The following AP3B1 variants were observed in gnomAD, a reference collection of about 807,000 sequenced individuals.
The protein encoded by AP3B1 is AP-3 complex subunit beta-1.
In AP3B1, 61 loss-of-function variants were observed where a neutral mutation model predicts 132.5. The observed-to-expected ratio is 0.46, with a 90% CI of 0.37 to 0.57. The LOEUF (loss-of-function observed/expected upper bound fraction) is 0.57. AP3B1 is among the 20% of genes least tolerant of loss of function. The pLI is 0.00. For missense variants in AP3B1, 1,120 were observed against 1,289.4 expected (o/e 0.87, Z 2.01); for synonymous variants, 388 against 438.3 (o/e 0.89, Z 1.43).
intron 7 of AP3B1, among the ~76,000 whole-genome samples, chr5:78,199,697 C>T (rs1315216827): frequency 1.3e-5 from 2 of 151,988 alleles, no homozygotes; most frequent in African/African-American, 4.8e-5. Context: ...TGTGGACAAC[C>T]TAAGAAGGAG....
chr5:78,170,123 A>G (rs1164464703), intron 11 of AP3B1, among the ~76,000 whole-genome samples: 12 of 152,296 alleles, frequency 7.9e-5, no homozygotes, highest in African/African-American at 2.9e-4. Flanking sequence ...TCCATGGTGT[A>G]TATGTGCCAC....
chr5:78,229,734 T>C lies in AP3B1; in HGVS notation c.280-1495A>G, dbSNP rs536491781. On this transcript the variant is annotated intron_variant, in intron 3 of 26. Transcript: ENST00000255194. ...AGCCTGGGCAACTGGAAAGAGACTC[T>C]GTCTCAAAAATTTAAAAAATTTAAA... Among the ~76,000 whole-genome samples the C allele has an allele frequency of 4.5e-4, 68 of 152,096 alleles. No individual in the cohort carries two copies. The East Asian group carries it at 0.013, about 28-fold the overall frequency.
At chr5:78,272,787 G>A (rs1263752843) in intron 1 of AP3B1, among the ~76,000 whole-genome samples, 1 of 152,138 alleles carries the variant, frequency 6.6e-6, no homozygotes. Flanking sequence ...AGCAAAGGGG[G>A]ACAGGGAGGA....
At chr5:78,069,916 G>C (rs1749463286) in intron 22 of AP3B1, among the ~76,000 whole-genome samples, 1 of 152,040 alleles carries the variant, frequency 6.6e-6, no homozygotes, top group African/African-American at 2.4e-5. Flanking sequence ...TAGACCAATG[G>C]AACAAAATGG....
chr5:78,264,784 A>G (rs573059737), intron 2 of AP3B1, among the ~76,000 whole-genome samples: 17 of 152,360 alleles, frequency 1.1e-4, no homozygotes, highest in African/African-American at 3.8e-4. Context: ...TTAACTCAAA[A>G]CAGTATACCA....
At chr5:78,044,906 A>AC (rs965987636) in intron 22 of AP3B1, among the ~76,000 whole-genome samples, 1 of 152,220 alleles carries the variant, frequency 6.6e-6, no homozygotes, top group Non-Finnish European at 1.5e-5. Flanking sequence ...TCCACATTCA[A>AC]CCAAGTTCAA....
chr5:78,086,543 G>C (rs1292366347), intron 22 of AP3B1, among the ~76,000 whole-genome samples: 1 of 152,176 alleles, frequency 6.6e-6, no homozygotes, highest in Non-Finnish European at 1.5e-5. Flanking sequence ...TGAATCAAGA[G>C]CCTGTGGTTT....
intron 7 of AP3B1, among the ~76,000 whole-genome samples, chr5:78,191,223 A>T (rs1399630059): frequency 6.6e-6 from 1 of 152,074 alleles, no homozygotes; most frequent in Non-Finnish European, 1.5e-5. Context: ...AAAGCTGGGG[A>T]AAAGTTAAGA....
At chr5:78,223,273 T>G (rs1291717497) in intron 6 of AP3B1, among the ~76,000 whole-genome samples, 1 of 152,024 alleles carries the variant, frequency 6.6e-6, no homozygotes, top group Non-Finnish European at 1.5e-5. Context: ...AACTTTGTTT[T>G]TTACTATAGA....
chr5:78,284,017 A>G (rs1303914554), intron 1 of AP3B1, among the ~76,000 whole-genome samples: 1 of 152,128 alleles, frequency 6.6e-6, no homozygotes, highest in Non-Finnish European at 1.5e-5. Context: ...CGCCACACTG[A>G]ATTGTTTCCT....
intron 24 of AP3B1, among the ~76,000 whole-genome samples, chr5:78,021,008 C>A (rs1747072279): frequency 6.6e-6 from 1 of 151,554 alleles, no homozygotes; most frequent in South Asian, 2.1e-4. Flanking sequence ...TTTTAAAAAA[C>A]AAAACTACAC....
At chr5:78,059,813 G>A (rs1288040956) in intron 22 of AP3B1, among the ~76,000 whole-genome samples, 1 of 152,064 alleles carries the variant, frequency 6.6e-6, no homozygotes, top group Non-Finnish European at 1.5e-5. Flanking sequence ...TTAATGCACT[G>A]CTTATTATCT....
At chr5:78,055,301 GAAGT>G (rs1470207517) in intron 22 of AP3B1, among the ~76,000 whole-genome samples, 1 of 152,162 alleles carries the variant, frequency 6.6e-6, no homozygotes, top group Non-Finnish European at 1.5e-5. Flanking sequence ...TTTTTCCTCA[GAAGT>G]AAGAATGGTT....
At chr5:78,226,319 T>A (rs1003289225) in intron 5 of AP3B1, among the ~76,000 whole-genome samples, 2 of 152,220 alleles carry the variant, frequency 1.3e-5, no homozygotes, top group East Asian at 3.9e-4. Flanking sequence ...ATATGAGGTT[T>A]CACTTTCTAC....
Position 78,289,080 on chromosome 5 carries a change from C to T in AP3B1, c.128+5372G>A, listed in dbSNP as rs142727079. Among the ~76,000 whole-genome samples, 116 of 152,054 alleles carry T rather than the reference C, an allele frequency of 7.6e-4. 2 individuals carry two copies. In the East Asian group the frequency reaches 0.019, roughly 26 times the overall value. On this transcript the variant is annotated intron_variant, in intron 1 of 26. Coordinates refer to ENST00000255194, the MANE Select transcript of AP3B1 (RefSeq NM_003664.5). Reference sequence around the variant, plus strand: ...TCTTTGAGGTAGGTCAAATATAATGCGTTACTATTAATAAAATTGTATTTT... The same window carrying T: ...TCTTTGAGGTAGGTCAAATATAATGTGTTACTATTAATAAAATTGTATTTT...
chr5:78,258,403 A>G (rs1372738819), intron 2 of AP3B1, among the ~76,000 whole-genome samples: 1 of 152,248 alleles, frequency 6.6e-6, no homozygotes, highest in Non-Finnish European at 1.5e-5. Context: ...TCAAAAGAAG[A>G]CATGCAATTG....
chr5:78,236,883 G>C (rs1746900629), intron 3 of AP3B1, among the ~76,000 whole-genome samples: 1 of 152,028 alleles, frequency 6.6e-6, no homozygotes, highest in Non-Finnish European at 1.5e-5. Flanking sequence ...CAGATATCAT[G>C]GCCATAAGGT....
At chr5:78,288,944 GAA>G (rs35914690) in intron 1 of AP3B1, among the ~76,000 whole-genome samples, 1 of 138,900 alleles carries the variant, frequency 7.2e-6, no homozygotes, top group African/African-American at 2.7e-5. Flanking sequence ...AATGTTAAAT[GAA>G]AAAAAAAAAC....
intron 2 of AP3B1, among the ~76,000 whole-genome samples, chr5:78,260,306 G>A (rs1258419692): frequency 2.6e-5 from 4 of 152,048 alleles, no homozygotes; most frequent in Non-Finnish European, 5.9e-5. Flanking sequence ...ATGAGGAGGG[G>A]CCGGGCGTGG....
Sources: allele counts gnomAD v4.1 joint callset (sites outside exome capture counted in the v4.1 genomes callset), GRCh38; gene constraint gnomAD v4.1.1; transcripts MANE v1.5; gene names NCBI Gene and HGNC (gene_info 2026-07-23, HGNC 2026-07-21).